TTC28: variants seen among roughly 807,000 people sequenced by gnomAD.
The protein encoded by TTC28 is tetratricopeptide repeat protein 28.
TTC28 carries 61 observed loss-of-function variants against 198.0 expected under a neutral mutation model. The observed-to-expected ratio is 0.31, with a 90% confidence interval of 0.25 to 0.38. TTC28 has a LOEUF of 0.38. TTC28 is among the 10% of genes least tolerant of loss of function. TTC28 has a pLI of 1.00. For synonymous variants in TTC28, 1,171 were observed against 1,297.8 expected (o/e 0.90, Z 2.10); for missense variants, 2,678 against 3,164.0 (o/e 0.85, Z 3.69).
intron 12 of TTC28, among the ~76,000 whole-genome samples, chr22:28,091,963 G>A (rs1233956897): frequency 6.6e-6 from 1 of 152,164 alleles, no homozygotes. Context: ...TGAGCTCAGA[G>A]GATGAGGAGA....
intron 2 of TTC28, among the ~76,000 whole-genome samples, chr22:28,621,742 TAA>T (rs771463983): frequency 1.4e-4 from 11 of 76,150 alleles, no homozygotes; most frequent in Non-Finnish European, 1.6e-4. Context: ...GACTGTCTCT[TAA>T]AAAAAAAAAA....
intron 1 of TTC28, among the ~76,000 whole-genome samples, chr22:28,653,437 A>G (rs917681282): frequency 2.0e-5 from 3 of 151,986 alleles, no homozygotes; most frequent in Admixed American, 2.0e-4. Flanking sequence ...TGGGAAGTCA[A>G]GACTGCAGTG....
intron 5 of TTC28, among the ~76,000 whole-genome samples, chr22:28,249,167 C>T (rs1438223199): frequency 6.6e-6 from 1 of 152,098 alleles, no homozygotes; most frequent in Non-Finnish European, 1.5e-5. Context: ...TAGAGGAAGA[C>T]AAGCCAGTGT....
intron 2 of TTC28, among the ~76,000 whole-genome samples, chr22:28,337,765 GCA>G (rs2045755890): frequency 6.6e-6 from 1 of 152,138 alleles, no homozygotes; most frequent in East Asian, 1.9e-4. Flanking sequence ...CCTGAATACA[GCA>G]CACTGATGGG....
At chr22:28,386,756 CA>C (rs1274220000) in intron 2 of TTC28, among the ~76,000 whole-genome samples, 1 of 152,146 alleles carries the variant, frequency 6.6e-6, no homozygotes, top group African/African-American at 2.4e-5. Context: ...TCACTTCTTG[CA>C]GTGTTTCCTT....
At chr22:28,084,161 T>C (rs962515292) in intron 12 of TTC28, among the ~76,000 whole-genome samples, 1 of 151,850 alleles carries the variant, frequency 6.6e-6, no homozygotes, top group Non-Finnish European at 1.5e-5. Flanking sequence ...CTGAAGAGAG[T>C]AGTAGTTCTC....
chr22:27,996,531 A>G, intron 16 of TTC28: 1 of 415,600 alleles, frequency 2.4e-6, no homozygotes, highest in South Asian at 4.3e-5. Context: ...GAAGTGCAGT[A>G]GGAAAACCTG....
intron 6 of TTC28, among the ~76,000 whole-genome samples, chr22:28,150,621 G>T (rs1231056966): frequency 6.6e-6 from 1 of 152,220 alleles, no homozygotes; most frequent in African/African-American, 2.4e-5. Context: ...TAGGTCCAGG[G>T]TGCAGTGTCC....
At chr22:28,034,243 A>G (rs796438961) in intron 12 of TTC28, among the ~76,000 whole-genome samples, 6 of 152,180 alleles carry the variant, frequency 3.9e-5, no homozygotes, top group African/African-American at 1.4e-4. Flanking sequence ...GACAGGGCCC[A>G]TGAGCTGGGT....
intron 5 of TTC28, among the ~76,000 whole-genome samples, chr22:28,270,029 G>A (rs1034965064): frequency 1.3e-5 from 2 of 152,208 alleles, no homozygotes; most frequent in African/African-American, 4.8e-5. Flanking sequence ...AATATTTGAA[G>A]AGACTTATCC....
intron 6 of TTC28, among the ~76,000 whole-genome samples, chr22:28,156,966 T>G (rs1943762427): frequency 6.6e-6 from 1 of 152,062 alleles, no homozygotes; most frequent in Non-Finnish European, 1.5e-5. Flanking sequence ...AGAAATAAAA[T>G]TAATTTGAAA....
intron 2 of TTC28, among the ~76,000 whole-genome samples, chr22:28,359,901 T>A (rs530511374): frequency 6.6e-6 from 1 of 152,152 alleles, no homozygotes; most frequent in South Asian, 2.1e-4. Flanking sequence ...CCAAGCAATA[T>A]ACATGACATT....
At chr22:28,410,517 C>T (rs2146132633) in intron 2 of TTC28, among the ~76,000 whole-genome samples, 1 of 152,224 alleles carries the variant, frequency 6.6e-6, no homozygotes, top group East Asian at 1.9e-4. Context: ...GCAAATATTT[C>T]ATTGTGAAAA....
Position 28,298,299 on chromosome 22 carries a change from T to C in TTC28, c.530-447A>G, listed in dbSNP as rs532915824. Among the ~76,000 whole-genome samples the C allele has an allele frequency of 4.2e-4, 64 of 152,194 alleles. 1 individual carries two copies. The highest frequency in any genetic ancestry group is 8.3e-4 in the South Asian group (4 of 4,822). On this transcript the variant is annotated intron_variant, in intron 3 of 22. Transcript: ENST00000397906. ...AGTTTGGTCATTAACTATTTTAGAATTGTTCTACACGTATTAATTTTTTAA... is the reference window on the plus strand; with the variant it reads ...AGTTTGGTCATTAACTATTTTAGAACTGTTCTACACGTATTAATTTTTTAA...
intron 2 of TTC28, among the ~76,000 whole-genome samples, chr22:28,369,647 C>T (rs566134945): frequency 5.3e-5 from 8 of 152,264 alleles, no homozygotes; most frequent in African/African-American, 1.9e-4. Context: ...AAAGAAATGT[C>T]AACACTACCA....
Position 28,679,752 on chromosome 22 carries a change from C to T in TTC28, c.-29G>A. 1 of 1,155,076 alleles carries T rather than the reference C, an allele frequency of 8.7e-7. No individual in the cohort carries two copies. The highest frequency in any genetic ancestry group is 1.1e-6 in the Non-Finnish European group (1 of 925,982). The allele number at this position is 1,155,076 out of a possible 1,614,324, so 71.6% of individuals were successfully genotyped here. Reference sequence around the variant, plus strand: ...CACGGGGCCCGGGCCGCGTCCGCCTCGAGCTAACGGTCCCGCCAGCTAGGC... The same window carrying T: ...CACGGGGCCCGGGCCGCGTCCGCCTTGAGCTAACGGTCCCGCCAGCTAGGC... On this transcript the variant is annotated 5_prime_UTR_variant, in exon 1 of 23. Coordinates refer to ENST00000397906, the MANE Select transcript of TTC28 (RefSeq NM_001145418.2).
chr22:28,553,020 C>A (rs998887597), intron 2 of TTC28, among the ~76,000 whole-genome samples: 5 of 152,210 alleles, frequency 3.3e-5, no homozygotes, highest in Non-Finnish European at 5.9e-5. Flanking sequence ...AGCTCCTAAC[C>A]GCGAGTGATC....
intron 2 of TTC28, among the ~76,000 whole-genome samples, chr22:28,582,911 A>G (rs562987283): frequency 6.6e-6 from 1 of 152,220 alleles, no homozygotes; most frequent in Admixed American, 6.5e-5. Context: ...ATATGTCAGT[A>G]GCCATTTAAG....
Position 28,363,236 on chromosome 22 carries a change from C to T in TTC28, c.382-56593G>A, listed in dbSNP as rs182507815. Among the ~76,000 whole-genome samples the T allele has an allele frequency of 1.8e-4, 27 of 152,228 alleles. 1 individual carries two copies. The highest frequency in any genetic ancestry group is 5.5e-4 in the African/African-American group (23 of 41,536). On this transcript the variant is annotated intron_variant, in intron 2 of 22. Transcript: ENST00000397906. The stretch of plus-strand genomic sequence containing the variant: ...GGGACTTAGTGCCCTGTGTCCCAGC[C>T]GCTCCAGCCATGACTAAAAGGGGCC...
Sources: gnomAD v4.1 joint callset for allele counts (sites outside exome capture counted in the v4.1 genomes callset) on GRCh38, gnomAD v4.1.1 for gene constraint, MANE v1.5 for transcripts, NCBI Gene and HGNC (gene_info 2026-07-23, HGNC 2026-07-21) for gene names.